UGT3A1: variants seen among roughly 807,000 people sequenced by gnomAD.
UGT3A1 encodes the protein UDP-glycosyltransferase 3A1.
In UGT3A1, 40 loss-of-function variants were observed where a neutral mutation model predicts 37.6. The observed-to-expected ratio is 1.06, with a 90% CI of 0.83 to 1.38. The LOEUF is 1.38. Among genes scored for constraint, UGT3A1 ranks in the 40% most tolerant of loss-of-function variants. The pLI, the probability that UGT3A1 is intolerant of heterozygous loss-of-function variation, is 0.00. For synonymous variants in UGT3A1, 256 were observed against 232.3 expected (o/e 1.10, Z -0.93); for missense variants, 642 against 634.2 (o/e 1.01, Z -0.13).
intron 2 of UGT3A1, among the ~76,000 whole-genome samples, chr5:35,980,114 T>C (rs962597725): frequency 6.6e-6 from 1 of 152,210 alleles, no homozygotes; most frequent in Non-Finnish European, 1.5e-5. Flanking sequence ...AATTGTATAC[T>C]TTACATATAT....
chr5:35,980,236 C>T (rs1740466076), intron 2 of UGT3A1, among the ~76,000 whole-genome samples: 1 of 152,110 alleles, frequency 6.6e-6, no homozygotes, highest in Non-Finnish European at 1.5e-5. Context: ...TACCTTCCTA[C>T]TTTAAACAAC....
chr5:35,974,148 G>T (rs147044715), intron 2 of UGT3A1, among the ~76,000 whole-genome samples: 1 of 152,136 alleles, frequency 6.6e-6, no homozygotes, highest in Admixed American at 6.5e-5. Flanking sequence ...TCTTTCTCCA[G>T]CTTTCTCCAA....
At chr5:35,984,171 A>T (rs1030512300) in intron 2 of UGT3A1, among the ~76,000 whole-genome samples, 1 of 152,178 alleles carries the variant, frequency 6.6e-6, no homozygotes, top group Non-Finnish European at 1.5e-5. Flanking sequence ...CTAGCAAAAA[A>T]CTATTAGAAT....
Position 35,957,185 on chromosome 5 carries a change from T to C in UGT3A1, c.1075+3A>G. On this transcript the variant is annotated splice_donor_region_variant and intron_variant, in intron 5 of 6. Transcript: ENST00000274278. The stretch of plus-strand genomic sequence containing the variant: ...GAGAAGAGCAGACCTAAGCAGTCCT[T>C]ACCCAGGAGGTCACTCTGAGGAAGC... 2.5e-6 allele frequency: 4 copies of C among 1,613,690 alleles called. No individual in the cohort carries two copies. Among genetic ancestry groups the C allele is most frequent in the Non-Finnish European group, 3.4e-6 (4 of 1,179,752 alleles).
At chr5:35,977,556 T>C (rs1740340588) in intron 2 of UGT3A1, among the ~76,000 whole-genome samples, 1 of 152,098 alleles carries the variant, frequency 6.6e-6, no homozygotes, top group African/African-American at 2.4e-5. Context: ...TCTTTCTAGC[T>C]CCCTCTCTCA....
intron 2 of UGT3A1, among the ~76,000 whole-genome samples, chr5:35,979,025 C>G (rs116700057): frequency 6.6e-6 from 1 of 152,250 alleles, no homozygotes; most frequent in East Asian, 1.9e-4. Context: ...TGAATCCGTG[C>G]CTCACATCTG....
intron 2 of UGT3A1, among the ~76,000 whole-genome samples, chr5:35,970,998 A>G (rs1376731934): frequency 6.6e-6 from 1 of 151,018 alleles, no homozygotes; most frequent in East Asian, 1.9e-4. Flanking sequence ...AGATTTGACA[A>G]ATATGTTCCA....
intron 2 of UGT3A1, among the ~76,000 whole-genome samples, chr5:35,996,574 C>T (rs1741101259): frequency 1.3e-5 from 2 of 152,176 alleles, no homozygotes; most frequent in South Asian, 4.1e-4. Flanking sequence ...CTAATATGCC[C>T]TGGGGCCCCT....
In UGT3A1 at chr5:35,965,558, G is replaced by A. The variant is rs764406392; in HGVS notation, c.671C>T (p.Thr224Ile). 1 of 1,614,178 alleles carries A rather than the reference G, an allele frequency of 6.2e-7. No individual in the cohort carries two copies. The highest frequency in any genetic ancestry group is 1.1e-5 in the South Asian group (1 of 91,082). The change falls in exon 4 of 7, where the codon ACC (threonine) becomes ATC (isoleucine). Residue 224 changes from threonine (T) to isoleucine (I), a missense_variant. Coordinates refer to ENST00000274278, the MANE Select transcript of UGT3A1 (RefSeq NM_152404.4). ...GCCTTCTGGGAAATGCTCCTTGATG[G>A]TGTTGTCAAATGTAGACTGCATGTC... Reference protein sequence around the residue: ...QWDMQSTFDNTIKEHFPEGSR... With the variant: ...QWDMQSTFDNIIKEHFPEGSR...
intron 1 of UGT3A1, 54 bp downstream of exon 1, chr5:35,991,093 C>G (rs563999027): frequency 1.2e-5 from 20 of 1,614,062 alleles, no homozygotes; most frequent in Admixed American, 5.0e-5. Context: ...GGAGCCCTGG[C>G]AGTGCGGGGA....
chr5:35,988,900 T>C (rs776343484), intron 1 of UGT3A1, among the ~76,000 whole-genome samples: 8 of 152,294 alleles, frequency 5.3e-5, no homozygotes, highest in African/African-American at 1.4e-4. Context: ...ACTTGGGGCC[T>C]TAGAGAGATA....
intron 2 of UGT3A1, among the ~76,000 whole-genome samples, chr5:35,985,745 A>G (rs1355454409): frequency 6.6e-6 from 1 of 152,340 alleles, no homozygotes; most frequent in East Asian, 1.9e-4. Flanking sequence ...ACTTAAAACT[A>G]TGAAACTACT....
At chr5:35,980,123 A>G (rs995165532) in intron 2 of UGT3A1, among the ~76,000 whole-genome samples, 1 of 152,092 alleles carries the variant, frequency 6.6e-6, no homozygotes, top group Admixed American at 6.6e-5. Flanking sequence ...CTTTACATAT[A>G]TGCAGTTTAT....
chr5:35,965,997 AT>A (rs1739795308), intron 3 of UGT3A1, 80 bp from the exon 4 acceptor site: 9 of 1,116,678 alleles, frequency 8.1e-6, no homozygotes, highest in South Asian at 3.7e-5. Flanking sequence ...ACTCAAAAAA[AT>A]ATTTCAGGTA....
chr5:35,991,261 C>A lies in UGT3A1; in HGVS notation c.-21G>T. On this transcript the variant is annotated 5_prime_UTR_variant, in exon 1 of 7. Transcript: ENST00000274278. ...ACCATGCTCACTTCCACAGAAGCAG[C>A]GGATCTCAGCCTGGGCTGCGCGCCC... 1 of 1,614,006 alleles carries A rather than the reference C, an allele frequency of 6.2e-7. No homozygotes were observed. Among genetic ancestry groups the A allele is most frequent in the Non-Finnish European group, 8.5e-7 (1 of 1,179,900 alleles).
intron 2 of UGT3A1, among the ~76,000 whole-genome samples, chr5:35,982,154 G>A (rs1438215256): frequency 1.3e-5 from 2 of 152,230 alleles, no homozygotes; most frequent in African/African-American, 2.4e-5. Flanking sequence ...TGCAGGGGTG[G>A]AGCCCTCATG....
intron 3 of UGT3A1, 88 bp from the exon 4 acceptor site, chr5:35,966,005 G>A: frequency 7.5e-6 from 8 of 1,061,502 alleles, no homozygotes; most frequent in Non-Finnish European, 1.0e-5. Flanking sequence ...AAATATTTCA[G>A]GTATGTTAAG....
chr5:35,993,659 TCTC>T (rs1410440663), upstream of UGT3A1, among the ~76,000 whole-genome samples: 2 of 152,102 alleles, frequency 1.3e-5, no homozygotes, highest in Non-Finnish European at 2.9e-5. Context: ...GGCAAATAAA[TCTC>T]CTAAAATGAT....
chr5:35,969,890 A>G (rs1003893767), intron 2 of UGT3A1, among the ~76,000 whole-genome samples: 1 of 152,184 alleles, frequency 6.6e-6, no homozygotes, highest in Non-Finnish European at 1.5e-5. Flanking sequence ...AAATACCTGT[A>G]TTAGTCTGTT....
Sources: allele counts gnomAD v4.1 joint callset (sites outside exome capture counted in the v4.1 genomes callset), GRCh38; gene constraint gnomAD v4.1.1; transcripts MANE v1.5; gene names NCBI Gene and HGNC (gene_info 2026-07-23, HGNC 2026-07-21).